Variants in NAV1 observed in about 807,000 individuals in gnomAD.
NAV1 encodes the protein neuron navigator 1, also known as pore membrane and/or filament interacting like protein 3.
Under a neutral mutation model 175.2 loss-of-function variants are expected in NAV1, and 18 were observed. The ratio of observed to expected loss-of-function variants is 0.10; its 90% CI spans 0.07 to 0.15. NAV1 has a LOEUF of 0.15. Among genes scored for constraint, NAV1 ranks in the 10% least tolerant of loss-of-function variants. The pLI is 1.00. For missense variants in NAV1, 1,731 were observed against 2,436.6 expected (o/e 0.71, Z 6.10); for synonymous variants, 897 against 978.7 (o/e 0.92, Z 1.56).
intron 3 of NAV1, among the ~76,000 whole-genome samples, chr1:201,772,877 C>A (rs1675679819): frequency 6.6e-6 from 1 of 151,916 alleles, no homozygotes; most frequent in South Asian, 2.1e-4. Flanking sequence ...ACTAAAAATA[C>A]AAAAAATTGG....
chr1:201,682,040 C>A (rs973081935), intron 1 of NAV1, among the ~76,000 whole-genome samples: 1 of 148,040 alleles, frequency 6.8e-6, no homozygotes, highest in Non-Finnish European at 1.5e-5. Flanking sequence ...TGCTTGAAAC[C>A]GGAAGGTGGA....
intron 1 of NAV1, among the ~76,000 whole-genome samples, chr1:201,680,463 G>T (rs1020816423): frequency 6.6e-6 from 1 of 152,036 alleles, no homozygotes; most frequent in Non-Finnish European, 1.5e-5. Context: ...CCGAGATCGC[G>T]CCATTGCACT....
chr1:201,552,427 C>T (rs965457523), intron 1 of NAV1, among the ~76,000 whole-genome samples: 3 of 152,066 alleles, frequency 2.0e-5, no homozygotes, highest in Non-Finnish European at 4.4e-5. Context: ...CCCACGGGAG[C>T]GCTGAAGGTG....
intron 1 of NAV1, among the ~76,000 whole-genome samples, chr1:201,703,455 G>T (rs1234927792): frequency 6.6e-6 from 1 of 152,188 alleles, no homozygotes; most frequent in Non-Finnish European, 1.5e-5. Context: ...AGGAAATGGG[G>T]CAGGGAGGTG....
upstream of NAV1, among the ~76,000 whole-genome samples, chr1:201,619,564 T>G (rs1668099221): frequency 6.6e-6 from 1 of 152,246 alleles, no homozygotes. Context: ...TTCTCACAGC[T>G]GCAGGTAGTA....
chr1:201,727,237 T>C (rs1244883050), intron 3 of NAV1, among the ~76,000 whole-genome samples: 3 of 152,188 alleles, frequency 2.0e-5, no homozygotes, highest in Admixed American at 2.0e-4. Flanking sequence ...ACCTAAGTTG[T>C]CACAGACACA....
At chr1:201,548,405 T>C (rs1665729133) in intron 1 of NAV1, among the ~76,000 whole-genome samples, 2 of 152,164 alleles carry the variant, frequency 1.3e-5, no homozygotes, top group African/African-American at 4.8e-5. Context: ...CTGGGCATGA[T>C]GGCACATGCC....
chr1:201,673,117 A>G (rs545624201), intron 1 of NAV1: 1 of 152,376 alleles, frequency 6.6e-6, no homozygotes, highest in African/African-American at 2.4e-5. Flanking sequence ...GCTGTTCTTT[A>G]ATGAATTTAT....
intron 13 of NAV1, chr1:201,791,155 G>A (rs1485845174): frequency 5.0e-6 from 1 of 200,352 alleles, no homozygotes; most frequent in African/African-American, 2.3e-5. Flanking sequence ...CACTGCCCTG[G>A]GGGGTGTTCA....
intron 1 of NAV1, among the ~76,000 whole-genome samples, chr1:201,546,333 C>T (rs1665671470): frequency 6.6e-6 from 1 of 152,214 alleles, no homozygotes; most frequent in Admixed American, 6.5e-5. Context: ...GTGTCAGCCA[C>T]ACTTACCCCT....
chr1:201,557,754 A>G (rs1666073096), intron 1 of NAV1, among the ~76,000 whole-genome samples: 1 of 152,220 alleles, frequency 6.6e-6, no homozygotes, highest in Non-Finnish European at 1.5e-5. Flanking sequence ...AATGCTGAGA[A>G]ATGTCAAACG....
At chr1:201,790,791 A>G in intron 13 of NAV1, 25 bp downstream of exon 17, 1 of 1,612,322 alleles carries the variant, frequency 6.2e-7, no homozygotes, top group African/African-American at 1.3e-5. Context: ...GTACGGAAAG[A>G]TCAAGGCAGT....
At chr1:201,692,118 G>A (rs377081800) in intron 1 of NAV1, among the ~76,000 whole-genome samples, 4 of 152,108 alleles carry the variant, frequency 2.6e-5, no homozygotes, top group Non-Finnish European at 4.4e-5. Flanking sequence ...TGTCTCACCC[G>A]TTATTCAACG....
rs189633190 is a variant in NAV1 at position 201,785,964 on chromosome 1, T to G, written c.2847-465T>G. On this transcript the variant is annotated intron_variant, in intron 8 of 29. Transcript: ENST00000367296. Reference sequence around the variant, plus strand: ...TGCACCACCAAGCCTGGCTAAATTTTGTATTTTTAGTAGAGATGGGGTTTC... The same window carrying G: ...TGCACCACCAAGCCTGGCTAAATTTGGTATTTTTAGTAGAGATGGGGTTTC... 3.0e-3 allele frequency among the ~76,000 whole-genome samples: 450 copies of G among 152,094 alleles called. 2 individuals carry two copies. Among genetic ancestry groups the G allele is most frequent in the African/African-American group, 9.9e-3 (412 of 41,484 alleles).
At chr1:201,786,505 G>T in exon 9 of NAV1, 1 of 1,614,022 alleles carries the variant, frequency 6.2e-7, no homozygotes, top group Non-Finnish European at 8.5e-7. Flanking sequence ...TGAATCCGAT[G>T]ACCAGTCAGA....
At chr1:201,746,781 G>A (rs1200930736) in intron 3 of NAV1, among the ~76,000 whole-genome samples, 1 of 152,022 alleles carries the variant, frequency 6.6e-6, no homozygotes, top group Non-Finnish European at 1.5e-5. Flanking sequence ...CAGGTGGATC[G>A]CTTGAGCCTA....
intron 28 of NAV1, among the ~76,000 whole-genome samples, chr1:201,815,605 A>G (rs977930761): frequency 6.6e-6 from 1 of 152,208 alleles, no homozygotes; most frequent in Admixed American, 6.5e-5. Flanking sequence ...GGAGTGGTTG[A>G]GGAGATGTTA....
At chr1:201,778,139 G>A (rs1676079899) in intron 3 of NAV1, among the ~76,000 whole-genome samples, 1 of 152,100 alleles carries the variant, frequency 6.6e-6, no homozygotes, top group Admixed American at 6.5e-5. Context: ...CCTCACTGCA[G>A]GAAAAGAGCT....
chr1:201,642,557 TTTCCCTTTCTTCCCTTCCTTC>T (rs1668822540), intron 2 of NAV1, among the ~76,000 whole-genome samples: 1 of 106,016 alleles, frequency 9.4e-6, no homozygotes, highest in African/African-American at 4.3e-5. Flanking sequence ...TTCTTTCTTT[TTTCCCTTTCTTCCCTTCCTTC>T]TCTTTCTTTC....
Sources: gnomAD v4.1 joint callset for allele counts (sites outside exome capture counted in the v4.1 genomes callset) on GRCh38, gnomAD v4.1.1 for gene constraint, MANE v1.5 for transcripts, NCBI Gene and HGNC (gene_info 2026-07-23, HGNC 2026-07-21) for gene names.